The following PCDHGB3 variants were observed in gnomAD, a reference collection of about 807,000 sequenced individuals.
PCDHGB3 encodes protocadherin gamma-B3.
Under a neutral mutation model 59.2 loss-of-function variants are expected in PCDHGB3, and 40 were observed. The observed-to-expected ratio is 0.68, with a 90% CI of 0.52 to 0.88. The LOEUF (loss-of-function observed/expected upper bound fraction) is 0.88, where lower values mean the gene tolerates loss of function less well. Ranked by LOEUF, PCDHGB3 falls within the 40% of genes least tolerant of loss-of-function variation. The pLI, the probability that PCDHGB3 is intolerant of heterozygous loss-of-function variation, is 0.00. For missense variants in PCDHGB3, 1,309 were observed against 1,187.9 expected (o/e 1.10, Z -1.50); for synonymous variants, 581 against 503.6 (o/e 1.15, Z -2.06).
At chr5:141,405,472 T>G in intron 1 of PCDHGB3, 1 of 1,056,196 alleles carries the variant, frequency 9.5e-7, no homozygotes, top group Non-Finnish European at 1.4e-6. Context: ...CAGGCTGGAA[T>G]GCAGTGGTGT....
intron 1 of PCDHGB3, chr5:141,394,844 T>C (rs2093111751): frequency 6.2e-7 from 1 of 1,613,752 alleles, no homozygotes. Context: ...AGTTGGGCAG[T>C]CTGAAGCCTT....
intron 1 of PCDHGB3, among the ~76,000 whole-genome samples, chr5:141,380,756 T>C (rs777302606): frequency 2.0e-5 from 3 of 152,238 alleles, no homozygotes; most frequent in Non-Finnish European, 4.4e-5. Context: ...ACCAAGACAC[T>C]ATAAATTAAT....
intron 1 of PCDHGB3, chr5:141,404,365 C>G (rs1322773399): frequency 1.2e-6 from 2 of 1,613,818 alleles, no homozygotes; most frequent in Admixed American, 3.3e-5. Context: ...GTACTTCCAT[C>G]TTCTCCGTGA....
rs1386460009 is a variant in PCDHGB3 at position 141,390,018 on chromosome 5, C to T, written c.2415+17209C>T. On this transcript the variant is annotated intron_variant, in intron 1 of 3. Transcript: ENST00000576222. ...GGCCATGATTCTGGCCATTGCCTTG[C>T]GCCTGCGACGCTCCTCCAGCCCCGC... is the stretch of plus-strand genomic sequence containing the variant. The T allele has an allele frequency of 6.2e-7, 1 of 1,614,062 alleles. No individual in the cohort carries two copies. Among genetic ancestry groups the T allele is most frequent in the South Asian group, 1.1e-5 (1 of 91,078 alleles).
Position 141,487,928 on chromosome 5 carries a change from A to G in PCDHGB3, c.2416-6879A>G. Reference sequence around the variant, plus strand: ...GGGAGCACAGGAGGCTACAGTGCACAGGGTACAGTGCACCAGGCAGTCACT... The same window carrying G: ...GGGAGCACAGGAGGCTACAGTGCACGGGGTACAGTGCACCAGGCAGTCACT... On this transcript the variant is annotated intron_variant, in intron 1 of 3. Transcript: ENST00000576222. The surrounding 1 kb of genome is among the most constrained non-coding windows in gnomAD (Gnocchi z 5.0). The G allele has an allele frequency of 3.2e-6, 2 of 620,886 alleles. No homozygotes were observed. The highest frequency in any genetic ancestry group is 5.6e-6 in the Non-Finnish European group (2 of 355,916). The allele number at this position is 620,886 out of a possible 1,614,324, so 38.5% of individuals were successfully genotyped here. A position where few individuals can be genotyped will look rare whatever the true frequency, so the allele number is the denominator to read the frequency against.
At chr5:141,406,474 T>TA (rs1309995681) in intron 1 of PCDHGB3, among the ~76,000 whole-genome samples, 1 of 152,248 alleles carries the variant, frequency 6.6e-6, no homozygotes, top group Non-Finnish European at 1.5e-5. Flanking sequence ...TCTTTGAGGT[T>TA]ATATTTTTCA....
intron 1 of PCDHGB3, among the ~76,000 whole-genome samples, chr5:141,460,173 A>C (rs2098983888): frequency 6.6e-6 from 1 of 152,004 alleles, no homozygotes; most frequent in Admixed American, 6.6e-5. Flanking sequence ...TATTTTGTGG[A>C]TATTTTATCC....
chr5:141,461,778 C>CA (rs1280703059), intron 1 of PCDHGB3, among the ~76,000 whole-genome samples: 6 of 152,052 alleles, frequency 3.9e-5, no homozygotes, highest in Non-Finnish European at 7.4e-5. Context: ...CTCAGCCTCC[C>CA]AAGTAGCTGG....
intron 1 of PCDHGB3, chr5:141,389,586 G>T: frequency 6.2e-7 from 1 of 1,613,166 alleles, no homozygotes; most frequent in Non-Finnish European, 8.5e-7. Context: ...GCTGGGTCCC[G>T]ACGGCTCTGC....
rs373286702 is a variant in PCDHGB3, at chr5:141,421,190, A to T, written c.2415+48381A>T. ...TACATAAGCCGATTCACAACCAACC[A>T]GCTCGAGAAACCGCGGAATATCGGC... On this transcript the variant is annotated intron_variant, in intron 1 of 3. Transcript: ENST00000576222. The T allele has an allele frequency of 4.7e-6, 7 of 1,480,168 alleles. No homozygotes were observed. The South Asian group carries it at 9.4e-5, about 20-fold the overall frequency. 91.7% of individuals were successfully genotyped at this position (1,480,168 alleles called of 1,614,324 possible).
At chr5:141,394,989 C>T in intron 1 of PCDHGB3, 1 of 1,614,030 alleles carries the variant, frequency 6.2e-7, no homozygotes. Flanking sequence ...ACGCCTGCTC[C>T]AGGATTCCGG....
intron 1 of PCDHGB3, chr5:141,409,250 A>G: frequency 6.2e-7 from 1 of 1,614,024 alleles, no homozygotes; most frequent in Non-Finnish European, 8.5e-7. Flanking sequence ...AATAATCATC[A>G]CTTCTCTCTC....
intron 1 of PCDHGB3, chr5:141,424,567 A>T (rs1034112526): frequency 3.3e-5 from 5 of 152,176 alleles, no homozygotes; most frequent in African/African-American, 7.2e-5. Flanking sequence ...CTTCTCAAAA[A>T]CCTATTTTCA....
At chr5:141,406,312 C>G (rs2094792276) in intron 1 of PCDHGB3, among the ~76,000 whole-genome samples, 1 of 152,028 alleles carries the variant, frequency 6.6e-6, no homozygotes, top group African/African-American at 2.4e-5. Context: ...CCACCTCACC[C>G]AGCAAATTCT....
intron 1 of PCDHGB3, chr5:141,388,158 A>T (rs763395906): frequency 3.4e-5 from 50 of 1,469,960 alleles, no homozygotes; most frequent in Non-Finnish European, 4.7e-5. Flanking sequence ...CAGGCTAGAC[A>T]GGGAGGAGAT....
At chr5:141,501,333 A>C (rs200092587) in intron 2 of PCDHGB3, among the ~76,000 whole-genome samples, 397 of 140,104 alleles carry the variant, frequency 2.8e-3, no homozygotes, top group Non-Finnish European at 2.6e-3. Flanking sequence ...ACACACACAC[A>C]CCCCAAACTC....
intron 1 of PCDHGB3, chr5:141,375,639 CCTTCGACTA>C (rs1771695189): frequency 6.2e-6 from 10 of 1,614,244 alleles, no homozygotes; most frequent in Non-Finnish European, 8.5e-6. Flanking sequence ...GCCCTGCGCT[CCTTCGACTA>C]TGAGCAGTTG....
intron 1 of PCDHGB3, chr5:141,410,578 T>A (rs1432039651): frequency 6.2e-7 from 1 of 1,610,984 alleles, no homozygotes; most frequent in African/African-American, 1.3e-5. Context: ...TTCCACCTCA[T>A]GGTGGGGAGG....
At chr5:141,373,462 G>C (rs1769608771) in intron 1 of PCDHGB3, among the ~76,000 whole-genome samples, 1 of 152,218 alleles carries the variant, frequency 6.6e-6, no homozygotes, top group African/African-American at 2.4e-5. Context: ...GGTAGCAGCT[G>C]CAATGAGCTA....
Sources: gnomAD v4.1 joint callset for allele counts (sites outside exome capture counted in the v4.1 genomes callset) on GRCh38, gnomAD v4.1.1 for gene constraint, Gnocchi (gnomAD v3.1) non-coding constraint, MANE v1.5 for transcripts, NCBI Gene and HGNC (gene_info 2026-07-23, HGNC 2026-07-21) for gene names.